CSMD2: variants seen among roughly 807,000 people sequenced by gnomAD.
CSMD2 encodes CUB and Sushi multiple domains 2, also known as CUB and sushi domain-containing protein 2.
CSMD2 carries 130 observed loss-of-function variants against 398.5 expected under a neutral mutation model. That is an observed-to-expected ratio of 0.33 (90% CI 0.28 to 0.38). The LOEUF (loss-of-function observed/expected upper bound fraction) is 0.38. Among genes scored for constraint, CSMD2 ranks in the 10% least tolerant of loss-of-function variants. The pLI is 1.00. For missense variants in CSMD2, 3,829 were observed against 4,764.9 expected (o/e 0.80, Z 5.78); for synonymous variants, 1,828 against 1,908.5 (o/e 0.96, Z 1.10).
In CSMD2 at chr1:34,099,750, G is replaced by A. The variant is rs539740170; in HGVS notation, c.188-10557C>T. 2.0e-5 allele frequency among the ~76,000 whole-genome samples: 3 copies of A among 152,318 alleles called. No individual in the cohort carries two copies. In the South Asian group the frequency reaches 6.2e-4, roughly 32 times the overall value. ...AGACTAAGATGAGGGTCTTGAATGA[G>A]GTCACTCTGTCTGGTGTCTAAATAG... is the stretch of plus-strand genomic sequence containing the variant. On this transcript the variant is annotated intron_variant, in intron 1 of 70. Coordinates refer to ENST00000373381, the MANE Select transcript of CSMD2 (RefSeq NM_001281956.2).
intron 25 of CSMD2, among the ~76,000 whole-genome samples, chr1:33,680,367 C>T (rs553077362): frequency 5.3e-5 from 8 of 152,130 alleles, no homozygotes; most frequent in South Asian, 4.2e-4. Context: ...TAGCTCTTTA[C>T]GGCTCCTGCT....
At chr1:33,605,563 C>G in intron 41 of CSMD2, 93 bp from the exon 42 acceptor site, 1 of 1,268,854 alleles carries the variant, frequency 7.9e-7, no homozygotes, top group South Asian at 1.4e-5. Flanking sequence ...AAGATTTGGA[C>G]TCAGATGGAC....
intron 4 of CSMD2, among the ~76,000 whole-genome samples, chr1:33,933,595 G>C (rs1292833576): frequency 6.6e-6 from 1 of 152,170 alleles, no homozygotes; most frequent in African/African-American, 2.4e-5. Context: ...TGGAAGATCA[G>C]AATGTTAACG....
At chr1:33,997,923 A>G (rs974625555) in intron 3 of CSMD2, among the ~76,000 whole-genome samples, 1 of 152,218 alleles carries the variant, frequency 6.6e-6, no homozygotes, top group Non-Finnish European at 1.5e-5. Flanking sequence ...GGTGCAGTCC[A>G]GCAAGATAGG....
At chr1:34,037,315 C>T (rs1376270949) in intron 2 of CSMD2, among the ~76,000 whole-genome samples, 3 of 152,100 alleles carry the variant, frequency 2.0e-5, no homozygotes, top group Admixed American at 6.5e-5. Context: ...CCCCCACCGG[C>T]GGCACTGACT....
At chr1:33,760,015 T>G (rs1407120367) in intron 13 of CSMD2, among the ~76,000 whole-genome samples, 1 of 152,222 alleles carries the variant, frequency 6.6e-6, no homozygotes, top group African/African-American at 2.4e-5. Context: ...GGTAGGGGTC[T>G]GATGATTGCT....
chr1:33,602,669 T>G (rs1319935157), intron 42 of CSMD2, 123 bp from the exon 43 acceptor site: 1 of 861,744 alleles, frequency 1.2e-6, no homozygotes, highest in Non-Finnish European at 1.7e-6. Context: ...TTGGGTGGGA[T>G]GCGGAAGGGG....
intron 3 of CSMD2, among the ~76,000 whole-genome samples, chr1:34,016,215 G>A (rs568221732): frequency 1.3e-5 from 2 of 152,108 alleles, no homozygotes; most frequent in African/African-American, 4.8e-5. Context: ...GTATACATGT[G>A]CCATGGTGGT....
At chr1:33,783,905 C>T (rs1323114432) in intron 12 of CSMD2, among the ~76,000 whole-genome samples, 1 of 152,124 alleles carries the variant, frequency 6.6e-6, no homozygotes, top group Non-Finnish European at 1.5e-5. Context: ...AGGGGCGAAG[C>T]CCATCATTCT....
chr1:33,677,086 G>C (rs914882080), intron 25 of CSMD2, among the ~76,000 whole-genome samples: 45 of 152,104 alleles, frequency 3.0e-4, no homozygotes, highest in South Asian at 8.3e-4. Flanking sequence ...AAAGCAATGG[G>C]AACAAAAGCC....
upstream of CSMD2, chr1:34,165,263 C>T (rs1026720792): frequency 3.4e-6 from 4 of 1,185,166 alleles, no homozygotes; most frequent in Middle Eastern, 6.9e-4. Context: ...GGGAGAGGCG[C>T]GCTGCGCTCT....
intron 3 of CSMD2, among the ~76,000 whole-genome samples, chr1:33,964,671 G>T (rs1645495161): frequency 6.6e-6 from 1 of 152,152 alleles, no homozygotes; most frequent in Non-Finnish European, 1.5e-5. Context: ...CCAGGCAGAT[G>T]GATGCACAAC....
chr1:34,018,947 A>G (rs1648512733), intron 3 of CSMD2, among the ~76,000 whole-genome samples: 1 of 152,218 alleles, frequency 6.6e-6, no homozygotes. Flanking sequence ...TTTGGATCCA[A>G]TAGTCGCAAC....
At chr1:33,992,822 A>G (rs966972449) in intron 3 of CSMD2, among the ~76,000 whole-genome samples, 5 of 149,486 alleles carry the variant, frequency 3.3e-5, no homozygotes, top group Non-Finnish European at 7.4e-5. Flanking sequence ...GCTTGCAGTG[A>G]GCCGTGATCG....
In CSMD2 at chr1:34,089,362, T is replaced by C. The variant is rs117644631; in HGVS notation, c.188-169A>G. ...AGGTACAAAGGGTGACTAACGTTGA[T>C]TGTCGGCTTGCTGTGCGCTGTGTAC... is the stretch of plus-strand genomic sequence containing the variant. On this transcript the variant is annotated intron_variant, in intron 1 of 70. Transcript: ENST00000373381. 5.9e-3 allele frequency among the ~76,000 whole-genome samples: 904 copies of C among 152,268 alleles called. 9 individuals carry two copies. The highest frequency in any genetic ancestry group is 0.052 in the East Asian group (269 of 5,178).
chr1:33,815,845 A>G (rs1657399031), intron 9 of CSMD2, among the ~76,000 whole-genome samples: 1 of 152,208 alleles, frequency 6.6e-6, no homozygotes, highest in Non-Finnish European at 1.5e-5. Flanking sequence ...TGGGGCATGT[A>G]CTCTAGTACA....
At chr1:33,578,113 G>A (rs1475863363) in intron 48 of CSMD2, among the ~76,000 whole-genome samples, 1 of 152,108 alleles carries the variant, frequency 6.6e-6, no homozygotes, top group Non-Finnish European at 1.5e-5. Flanking sequence ...TGCTGTGTGG[G>A]GGAATGTGCT....
chr1:33,946,768 A>G (rs1309188823), intron 3 of CSMD2, among the ~76,000 whole-genome samples: 1 of 148,452 alleles, frequency 6.7e-6, no homozygotes, highest in African/African-American at 2.6e-5. Flanking sequence ...ACAGGCGCGC[A>G]CCACCCACCA....
intron 3 of CSMD2, among the ~76,000 whole-genome samples, chr1:33,958,062 C>A (rs1203435698): frequency 1.3e-5 from 2 of 152,032 alleles, no homozygotes; most frequent in Non-Finnish European, 2.9e-5. Context: ...GCAGGGTTTC[C>A]ATGGCAACGC....
Sources: allele counts gnomAD v4.1 joint callset (sites outside exome capture counted in the v4.1 genomes callset), GRCh38; gene constraint gnomAD v4.1.1; transcripts MANE v1.5; gene names NCBI Gene and HGNC (gene_info 2026-07-23, HGNC 2026-07-21).